FAM227B: variants seen among roughly 807,000 people sequenced by gnomAD.
The protein encoded by FAM227B is protein FAM227B.
FAM227B carries 88 observed loss-of-function variants against 73.8 expected under a neutral mutation model. That is an observed-to-expected ratio of 1.19 (90% CI 1.00 to 1.42). The LOEUF is 1.42. Ranked by LOEUF, FAM227B falls within the 40% of genes most tolerant of loss-of-function variation. The probability of loss-of-function intolerance (pLI) is 0.00; values close to 1 mark genes in which losing one functional copy is unlikely to be tolerated. For missense variants in FAM227B, 632 were observed against 590.9 expected, an observed-to-expected ratio of 1.07 and a Z score of -0.72; for synonymous variants, 210 against 190.5, an observed-to-expected ratio of 1.10 and a Z score of -0.84.
At chr15:49,360,864 T>G (rs573801875) in intron 13 of FAM227B, among the ~76,000 whole-genome samples, 3 of 152,280 alleles carry the variant, frequency 2.0e-5, no homozygotes, top group Non-Finnish European at 4.4e-5. Flanking sequence ...TAAGCACTCC[T>G]GTGATGTGAA....
intron 9 of FAM227B, among the ~76,000 whole-genome samples, chr15:49,567,571 G>A (rs1440431342): frequency 6.6e-6 from 1 of 151,992 alleles, no homozygotes; most frequent in Non-Finnish European, 1.5e-5. Context: ...TTTATTTTGG[G>A]TATGGCTTTC....
chr15:49,524,865 C>T (rs895970974), intron 10 of FAM227B, among the ~76,000 whole-genome samples: 8 of 152,088 alleles, frequency 5.3e-5, no homozygotes, highest in Admixed American at 3.9e-4. Flanking sequence ...GCATGGGGTC[C>T]GTGGCCCCTT....
chr15:49,551,654 GT>G (rs1173854575), intron 9 of FAM227B, among the ~76,000 whole-genome samples: 3 of 152,096 alleles, frequency 2.0e-5, no homozygotes, highest in Non-Finnish European at 4.4e-5. Context: ...CTTGTTCTGT[GT>G]TCTTCTCTTC....
intron 10 of FAM227B, among the ~76,000 whole-genome samples, chr15:49,538,112 T>G (rs972887384): frequency 5.9e-5 from 9 of 152,244 alleles, no homozygotes; most frequent in Non-Finnish European, 5.9e-5. Flanking sequence ...CAAGGGAGTG[T>G]GGTGGCTTTC....
intron 11 of FAM227B, among the ~76,000 whole-genome samples, chr15:49,399,689 T>TATACACAA (rs2047982749): frequency 1.4e-5 from 2 of 148,046 alleles, no homozygotes; most frequent in Non-Finnish European, 3.0e-5. Context: ...GCAAGGCTGG[T>TATACACAA]TCAATATACA....
At position 49,327,901 on chromosome 15, in the gene FAM227B, C is replaced by T. The variant is rs1567069805; in HGVS notation, c.*667G>A. 3 of 1,549,358 alleles carry T rather than the reference C, an allele frequency of 1.9e-6. No homozygotes were observed. Among genetic ancestry groups the T allele is most frequent in the African/African-American group, 1.4e-5 (1 of 73,072 alleles). ...TGTGTTCTACAAACACCAAGCAAATCCCTTGTATTTTCATTTATAGGTTCT... is the reference window on the plus strand; with the variant it reads ...TGTGTTCTACAAACACCAAGCAAATTCCTTGTATTTTCATTTATAGGTTCT... On this transcript the variant is annotated 3_prime_UTR_variant, in exon 16 of 16. Transcript: ENST00000299338.
Position 49,594,289 on chromosome 15 carries a change from T to C in FAM227B, c.106-4282A>G, listed in dbSNP as rs550995213. On this transcript the variant is annotated intron_variant, in intron 3 of 15. Transcript: ENST00000299338. ...TGATGGAATTATTTCTTTTTTTTCT[T>C]GCTGATTTGAGTTCCTTGTAGACTC... Among the ~76,000 whole-genome samples the C allele has an allele frequency of 9.2e-5, 14 of 152,242 alleles. No individual in the cohort carries two copies. The South Asian group carries it at 2.3e-3, about 25-fold the overall frequency.
intron 9 of FAM227B, among the ~76,000 whole-genome samples, chr15:49,560,729 C>T (rs1438574224): frequency 6.6e-6 from 1 of 152,094 alleles, no homozygotes; most frequent in Non-Finnish European, 1.5e-5. Context: ...ATTTTCAGCA[C>T]TGTCAAAGAA....
At chr15:49,518,374 C>A (rs922953850) in intron 10 of FAM227B, among the ~76,000 whole-genome samples, 1 of 152,088 alleles carries the variant, frequency 6.6e-6, no homozygotes, top group Admixed American at 6.6e-5. Flanking sequence ...ATGGTCATGA[C>A]CTGAGTGAAA....
intron 11 of FAM227B, among the ~76,000 whole-genome samples, chr15:49,378,957 G>A (rs572743560): frequency 1.3e-5 from 2 of 152,020 alleles, no homozygotes; most frequent in South Asian, 2.1e-4. Flanking sequence ...TTATTATGTT[G>A]AGGTATGTTC....
chr15:49,497,879 A>G (rs1355386330), intron 11 of FAM227B, among the ~76,000 whole-genome samples: 1 of 152,176 alleles, frequency 6.6e-6, no homozygotes. Flanking sequence ...TTTGGCCCCA[A>G]AGTGTGAATT....
At chr15:49,530,948 A>G (rs1270915295) in intron 10 of FAM227B, among the ~76,000 whole-genome samples, 2 of 151,864 alleles carry the variant, frequency 1.3e-5, no homozygotes, top group African/African-American at 2.4e-5. Flanking sequence ...CCTATTTCCA[A>G]CAGAGAATAT....
chr15:49,546,315 T>A (rs1047575102), intron 9 of FAM227B, among the ~76,000 whole-genome samples: 1 of 152,208 alleles, frequency 6.6e-6, no homozygotes, highest in Admixed American at 6.5e-5. Context: ...TCCATAGTAT[T>A]CCATGGTGTA....
chr15:49,554,190 C>A (rs1471071452), intron 9 of FAM227B, among the ~76,000 whole-genome samples: 4 of 152,020 alleles, frequency 2.6e-5, no homozygotes, highest in African/African-American at 9.7e-5. Context: ...AAGTCCTCCC[C>A]ACTCTTCCCT....
At chr15:49,606,040 T>G (rs2081905810) in intron 3 of FAM227B, 1 of 152,354 alleles carries the variant, frequency 6.6e-6, no homozygotes, top group Non-Finnish European at 1.5e-5. Flanking sequence ...CTCTCCACAC[T>G]GTTCTGCCCT....
chr15:49,409,806 G>A (rs2048755399), intron 11 of FAM227B, among the ~76,000 whole-genome samples: 1 of 151,978 alleles, frequency 6.6e-6, no homozygotes, highest in Non-Finnish European at 1.5e-5. Flanking sequence ...TAAAAATAAT[G>A]CCAACTTAAT....
At chr15:49,560,078 C>A (rs2074120308) in intron 9 of FAM227B, among the ~76,000 whole-genome samples, 2 of 152,002 alleles carry the variant, frequency 1.3e-5, no homozygotes, top group South Asian at 2.1e-4. Flanking sequence ...GCATGGATTG[C>A]AAGGAAGCTC....
At chr15:49,365,253 C>T in intron 13 of FAM227B, 1 of 1,181,860 alleles carries the variant, frequency 8.5e-7, no homozygotes, top group Admixed American at 1.7e-5. Context: ...CAGGCAACAA[C>T]TGAGGCAATA....
In FAM227B at chr15:49,600,343, T is replaced by C. The variant is rs192174586; in HGVS notation, c.106-10336A>G. ...TTTGTATGCAGCATATAGCTGTTTC[T>C]TTCTTTCTTTTTTTTTTTTTTTAAA... is the stretch of plus-strand genomic sequence containing the variant. On this transcript the variant is annotated intron_variant, in intron 3 of 15. Coordinates refer to ENST00000299338, the MANE Select transcript of FAM227B (RefSeq NM_152647.3). Among the ~76,000 whole-genome samples, 670 of 148,618 alleles carry C rather than the reference T, an allele frequency of 4.5e-3. 11 individuals are homozygous for C. The highest frequency in any genetic ancestry group is 0.016 in the African/African-American group (639 of 38,970).
Sources: gnomAD v4.1 joint callset for allele counts (sites outside exome capture counted in the v4.1 genomes callset) on GRCh38, gnomAD v4.1.1 for gene constraint, MANE v1.5 for transcripts, NCBI Gene and HGNC (gene_info 2026-07-23, HGNC 2026-07-21) for gene names.